GATM: variants seen among roughly 807,000 people sequenced by gnomAD.
GATM encodes the protein glycine amidinotransferase, also known as glycine amidinotransferase, mitochondrial.
GATM carries 23 observed loss-of-function variants against 54.2 expected under a neutral mutation model. That is an observed-to-expected ratio of 0.42 (90% confidence interval 0.31 to 0.60). The LOEUF is 0.60. GATM is among the 20% of genes least tolerant of loss of function. The pLI is 0.14. For missense variants in GATM, 401 were observed against 544.9 expected (o/e 0.74, Z 2.63); for synonymous variants, 168 against 183.1 (o/e 0.92, Z 0.67).
intron 1 of GATM, chr15:45,378,111 A>C: frequency 2.5e-6 from 1 of 404,364 alleles, no homozygotes; most frequent in Non-Finnish European, 4.4e-6. Context: ...GTGGGCCAGC[A>C]GGCCGCGGAC....
exon 1 of GATM, chr15:45,401,960 A>C (rs1219670768): frequency 6.3e-6 from 1 of 157,650 alleles, no homozygotes; most frequent in Non-Finnish European, 1.4e-5. Flanking sequence ...GCACCAGAGC[A>C]CCCAAAATTC....
At chr15:45,370,243 G>A (rs1027815168) in intron 2 of GATM, among the ~76,000 whole-genome samples, 1 of 151,982 alleles carries the variant, frequency 6.6e-6, no homozygotes, top group African/African-American at 2.4e-5. Context: ...AGGCATGGTG[G>A]CACGTGCCTG....
Position 45,362,037 on chromosome 15 carries a change from G to T in GATM, c.*72C>A. On this transcript the variant is annotated 3_prime_UTR_variant, in exon 9 of 9. Transcript: ENST00000396659. ...CACTACAGTTCATGCACTTTTTAAA[G>T]CAGGAGAATGAACCTTGCCCCTAAG... 1 of 880,718 alleles carries T rather than the reference G, an allele frequency of 1.1e-6. No homozygotes were observed. The highest frequency in any genetic ancestry group is 1.9e-6 in the Non-Finnish European group (1 of 516,798). 54.6% of individuals were successfully genotyped at this position (880,718 alleles called of 1,614,324 possible).
At chr15:45,385,699 AT>A (rs1889796287) in intron 3 of GATM, among the ~76,000 whole-genome samples, 1 of 152,226 alleles carries the variant, frequency 6.6e-6, no homozygotes, top group Non-Finnish European at 1.5e-5. Context: ...CTCTCTGTAT[AT>A]AGTAAGCAAT....
chr15:45,386,554 T>A (rs1274241670), intron 3 of GATM, among the ~76,000 whole-genome samples: 2 of 152,218 alleles, frequency 1.3e-5, no homozygotes, highest in Non-Finnish European at 2.9e-5. Flanking sequence ...CACGCTGTGA[T>A]CTGGCAGAAC....
chr15:45,374,321 C>T lies in GATM; in HGVS notation c.288+2280G>A, dbSNP rs1418384043. 2.0e-5 allele frequency among the ~76,000 whole-genome samples: 3 copies of T among 152,144 alleles called. No homozygotes were observed. The East Asian group carries it at 5.8e-4, about 29-fold the overall frequency. ...TCAAGTGACAAAGAACTCAAAATTA[C>T]CTCTGAGAATTCTGATTCTGTAAAA... On this transcript the variant is annotated intron_variant, in intron 2 of 8. Transcript: ENST00000396659.
chr15:45,387,857 T>C (rs1364310983), intron 3 of GATM, among the ~76,000 whole-genome samples: 5 of 152,234 alleles, frequency 3.3e-5, no homozygotes, highest in African/African-American at 1.2e-4. Context: ...TCTGCTGAGA[T>C]AAATTCTCAG....
At chr15:45,395,973 G>A (rs897075281) in intron 3 of GATM, among the ~76,000 whole-genome samples, 3 of 152,144 alleles carry the variant, frequency 2.0e-5, no homozygotes, top group Non-Finnish European at 4.4e-5. Context: ...TAGGTACTGT[G>A]GTAAGTACAG....
intron 2 of GATM, among the ~76,000 whole-genome samples, chr15:45,374,331 T>A (rs1182964779): frequency 2.0e-5 from 3 of 152,220 alleles, no homozygotes; most frequent in African/African-American, 4.8e-5. Flanking sequence ...CCTCTGAGAA[T>A]TCTGATTCTG....
Position 45,378,538 on chromosome 15 carries a change from GC to G in GATM, c.-86del. ...AAGCCTTCCCGAGAGCGCGCCCGGA[GC>G]GGGGTGGGCGGGCGCGCGGGGCCCG... is the stretch of plus-strand genomic sequence containing the variant. On this transcript the variant is annotated 5_prime_UTR_variant, in exon 1 of 9. Coordinates refer to ENST00000396659, the MANE Select transcript of GATM (RefSeq NM_001482.3). The G allele has an allele frequency of 9.2e-7, 1 of 1,089,222 alleles. No homozygotes were observed. The highest frequency in any genetic ancestry group is 2.4e-5 in the South Asian group (1 of 41,746). The allele number at this position is 1,089,222 out of a possible 1,614,324, so 67.5% of individuals were successfully genotyped here.
intron 3 of GATM, among the ~76,000 whole-genome samples, chr15:45,384,755 T>C (rs1300886394): frequency 1.3e-5 from 2 of 152,184 alleles, no homozygotes; most frequent in African/African-American, 4.8e-5. Context: ...GTCATCCTGG[T>C]TGGAGTGCAG....
chr15:45,381,364 A>G (rs1011846012), upstream of GATM, among the ~76,000 whole-genome samples: 5 of 152,160 alleles, frequency 3.3e-5, no homozygotes, highest in Non-Finnish European at 7.4e-5. Flanking sequence ...AACATACCAG[A>G]AGCATGGCAA....
chr15:45,388,385 G>T (rs765463598), intron 3 of GATM, among the ~76,000 whole-genome samples: 19 of 152,136 alleles, frequency 1.2e-4, no homozygotes, highest in Non-Finnish European at 2.5e-4. Context: ...AGATACATTT[G>T]CTAAAACTAA....
upstream of GATM, chr15:45,379,743 T>C (rs886281763): frequency 2.0e-5 from 3 of 152,188 alleles, no homozygotes; most frequent in African/African-American, 4.8e-5. Flanking sequence ...ATCCCAGCAA[T>C]TGGGAAGGCC....
chr15:45,378,543 G>C lies in GATM; in HGVS notation c.-90C>G. The C allele has an allele frequency of 9.3e-7, 1 of 1,074,254 alleles. No individual in the cohort carries two copies. The highest frequency in any genetic ancestry group is 2.4e-5 in the South Asian group (1 of 41,988). 66.5% of individuals were successfully genotyped at this position (1,074,254 alleles called of 1,614,324 possible). A position where few individuals can be genotyped will look rare whatever the true frequency, so the allele number is the denominator to read the frequency against. On this transcript the variant is annotated 5_prime_UTR_variant, in exon 1 of 9. Coordinates refer to ENST00000396659, the MANE Select transcript of GATM (RefSeq NM_001482.3). ...TTCCCGAGAGCGCGCCCGGAGCGGGGTGGGCGGGCGCGCGGGGCCCGAGGC... is the reference window on the plus strand; with the variant it reads ...TTCCCGAGAGCGCGCCCGGAGCGGGCTGGGCGGGCGCGCGGGGCCCGAGGC...
At chr15:45,397,261 A>C (rs527935798) in intron 2 of GATM, 2 of 152,046 alleles carry the variant, frequency 1.3e-5, no homozygotes, top group South Asian at 4.2e-4. Context: ...TTCCTGAGTG[A>C]TAGGAGCAGT....
intron 2 of GATM, among the ~76,000 whole-genome samples, chr15:45,370,766 GTTGT>G (rs1384620139): frequency 2.6e-5 from 4 of 152,094 alleles, no homozygotes; most frequent in Admixed American, 6.6e-5. Context: ...GTTAAATATT[GTTGT>G]TTGTTTGTTT....
intron 3 of GATM, among the ~76,000 whole-genome samples, chr15:45,387,037 T>A (rs1385334319): frequency 1.3e-5 from 2 of 152,202 alleles, no homozygotes; most frequent in African/African-American, 4.8e-5. Context: ...CATATAAGAC[T>A]ATATATTGCA....
At chr15:45,396,882 A>T (rs998505416) in intron 3 of GATM, 1 of 152,046 alleles carries the variant, frequency 6.6e-6, no homozygotes, top group African/African-American at 2.4e-5. Context: ...AAAAAAAAAA[A>T]AAAAAAAAAA....
Sources: allele counts gnomAD v4.1 joint callset (sites outside exome capture counted in the v4.1 genomes callset), GRCh38; gene constraint gnomAD v4.1.1; transcripts MANE v1.5; gene names NCBI Gene and HGNC (gene_info 2026-07-23, HGNC 2026-07-21).